TRIM3: variants seen among roughly 807,000 people sequenced by gnomAD.
TRIM3 encodes tripartite motif-containing protein 3.
Under a neutral mutation model 66.6 loss-of-function variants are expected in TRIM3, and 13 were observed. The observed-to-expected ratio is 0.20, with a 90% CI of 0.13 to 0.31. The LOEUF is 0.31. Among genes scored for constraint, TRIM3 ranks in the 10% least tolerant of loss-of-function variants. TRIM3 has a pLI of 1.00. For synonymous variants in TRIM3, 406 were observed against 411.7 expected, an observed-to-expected ratio of 0.99 and a Z score of 0.17; for missense variants, 711 against 1,020.4, an observed-to-expected ratio of 0.70 and a Z score of 4.13.
At position 6,456,719 on chromosome 11, in the gene TRIM3, A is replaced by T; in HGVS notation, c.1007T>A (p.Leu336Gln). The T allele has an allele frequency of 6.2e-7, 1 of 1,608,572 alleles. No homozygotes were observed. The highest frequency in any genetic ancestry group is 8.5e-7 in the Non-Finnish European group (1 of 1,178,434). The change falls in exon 6 of 12, where the codon CTA (leucine) becomes CAA (glutamine). Residue 336 changes from leucine (L) to glutamine (Q), a missense_variant. Around this residue, in one of 3 missense-constraint regions of TRIM3, gnomAD observed 399 missense variants for 458.1 expected, o/e 0.87. Coordinates refer to ENST00000345851, the MANE Select transcript of TRIM3 (RefSeq NM_033278.4). The surrounding 1 kb of genome is among the most constrained non-coding windows in gnomAD (Gnocchi z 6.4). ...AGTGAGCGAGGCAGGCTGGCCCACT[A>T]GCGCCTGGCGCAGGCCCTCTCCCGT... ...VATGEGLRQA[L>Q]VGQPASLTVT...
chr11:6,464,232 C>A (rs1275267484), intron 2 of TRIM3, among the ~76,000 whole-genome samples: 1 of 152,190 alleles, frequency 6.6e-6, no homozygotes, highest in East Asian at 1.9e-4. Context: ...CCAGCTTCAT[C>A]CCATAATACT....
chr11:6,463,958 G>A (rs1188408433), intron 2 of TRIM3, among the ~76,000 whole-genome samples: 2 of 152,212 alleles, frequency 1.3e-5, no homozygotes, highest in Admixed American at 6.5e-5. Context: ...TGGCAGGGAA[G>A]CAGTATCTCT....
At chr11:6,455,277 C>T (rs928812844) in intron 7 of TRIM3, among the ~76,000 whole-genome samples, 1 of 152,090 alleles carries the variant, frequency 6.6e-6, no homozygotes, top group African/African-American at 2.4e-5. Flanking sequence ...CATGAGTTAA[C>T]TGAAGCTCAA....
At chr11:6,455,665 A>T (rs1849929489) in intron 7 of TRIM3, among the ~76,000 whole-genome samples, 1 of 152,164 alleles carries the variant, frequency 6.6e-6, no homozygotes, top group Non-Finnish European at 1.5e-5. Flanking sequence ...GACAGACTAC[A>T]TACATTCAGG....
chr11:6,457,080 C>T lies in TRIM3; in HGVS notation c.697-51G>A, dbSNP rs374643027. The T allele has an allele frequency of 1.3e-6, 2 of 1,551,574 alleles. No individual in the cohort carries two copies. Among genetic ancestry groups the T allele is most frequent in the African/African-American group, 2.7e-5 (2 of 74,080 alleles). On this transcript the variant is annotated intron_variant, in intron 5 of 11. Transcript: ENST00000345851. This position sits in a 1 kb window ranked among gnomAD's most constrained non-coding sequence, Gnocchi z 4.5. ...GTGAGCAGACTGGCACAGGGGGAGT[C>T]TCTGTGATTACTGAAGTTGTAGCAC... is the stretch of plus-strand genomic sequence containing the variant.
intron 1 of TRIM3, among the ~76,000 whole-genome samples, chr11:6,472,476 C>A (rs1017526284): frequency 8.0e-5 from 12 of 149,478 alleles, no homozygotes; most frequent in South Asian, 2.2e-4. Flanking sequence ...TTTTAAGTCA[C>A]CTGTGACACT....
chr11:6,459,451 C>T (rs1007005878), intron 2 of TRIM3, among the ~76,000 whole-genome samples: 1 of 152,204 alleles, frequency 6.6e-6, no homozygotes, highest in Non-Finnish European at 1.5e-5. Context: ...AGGGCAGTGG[C>T]ATCACCAGCT....
rs925455579 is a variant in TRIM3, at chr11:6,449,555, C to T, written c.1942-109G>A. The T allele has an allele frequency of 2.1e-5, 23 of 1,071,342 alleles. No individual in the cohort carries two copies. The highest frequency in any genetic ancestry group is 3.3e-5 in the South Asian group (2 of 60,338). 66.4% of individuals were successfully genotyped at this position (1,071,342 alleles called of 1,614,324 possible). A position where few individuals can be genotyped will look rare whatever the true frequency, so the allele number is the denominator to read the frequency against. On this transcript the variant is annotated intron_variant, in intron 10 of 11. Transcript: ENST00000345851. The surrounding 1 kb of genome is among the most constrained non-coding windows in gnomAD (Gnocchi z 5.3). Reference sequence around the variant, plus strand: ...GGCTGAGAACCCCCACCCAGATCTACAGCTACAGCCCAAATCTGCTTCATA... The same window carrying T: ...GGCTGAGAACCCCCACCCAGATCTATAGCTACAGCCCAAATCTGCTTCATA...
chr11:6,458,167 C>T lies in TRIM3; in HGVS notation c.261G>A (p.Glu87=). The T allele has an allele frequency of 2.5e-6, 4 of 1,614,186 alleles. No individual in the cohort carries two copies. The highest frequency in any genetic ancestry group is 1.3e-5 in the African/African-American group (1 of 75,062). The change falls in exon 3 of 12, where the codon GAG becomes GAA. Residue 87 remains glutamate, a synonymous_variant. Coordinates refer to ENST00000345851, the MANE Select transcript of TRIM3 (RefSeq NM_033278.4). The surrounding 1 kb of genome is among the most constrained non-coding windows in gnomAD (Gnocchi z 6.2). ...QNNFFISSLM[E]AMQQAPDGAH... ...CCCCATCAGGTGCCTGCTGCATTGC[C>T]TCCATGAGGCTGCTGATGAAGAAGT...
In TRIM3 at chr11:6,456,611, G is replaced by A. The variant is rs762672434; in HGVS notation, c.1115C>T (p.Thr372Met). The A allele has an allele frequency of 3.1e-6, 5 of 1,612,696 alleles. No homozygotes were observed. The highest frequency in any genetic ancestry group is 4.2e-6 in the Non-Finnish European group (5 of 1,179,860). The change falls in exon 6 of 12, where the codon ACG becomes ATG. Residue 372 changes from threonine to methionine, a missense_variant. Physicochemically the swap from Thr to Met is moderately conservative, Grantham distance 81 (BLOSUM62 -1). Coordinates refer to ENST00000345851, the MANE Select transcript of TRIM3 (RefSeq NM_033278.4). The surrounding 1 kb of genome is among the most constrained non-coding windows in gnomAD (Gnocchi z 6.4). ...GTCCACCACTGGCACCGGAAGGCGC[G>A]TGCCGTCCGGGCCGGTGATCTCTGC... is the stretch of plus-strand genomic sequence containing the variant. Reference protein sequence around the residue: ...LRAEITGPDGTRLPVPVVDHK... With the variant: ...LRAEITGPDGMRLPVPVVDHK...
At chr11:6,463,069 G>A (rs1338056981) in intron 2 of TRIM3, among the ~76,000 whole-genome samples, 1 of 152,044 alleles carries the variant, frequency 6.6e-6, no homozygotes, top group East Asian at 1.9e-4. Flanking sequence ...ACCGGATGTG[G>A]TGGCGTGCGC....
chr11:6,455,964 T>C lies in TRIM3; in HGVS notation c.1533+108A>G, dbSNP rs545357561. 4.5e-5 allele frequency: 32 copies of C among 707,986 alleles called. No homozygotes were observed. In the Admixed American group the frequency reaches 8.8e-4, roughly 20 times the overall value. The allele number at this position is 707,986 out of a possible 1,614,324, so 43.9% of individuals were successfully genotyped here. A position where few individuals can be genotyped will look rare whatever the true frequency, so the allele number is the denominator to read the frequency against. On this transcript the variant is annotated intron_variant, in intron 7 of 11. Transcript: ENST00000345851. Reference sequence around the variant, plus strand: ...ACTGCTCTTAAGGAACGGTACTATCTGTAGGGTTCCATCTTCCAGGAGGTG... The same window carrying C: ...ACTGCTCTTAAGGAACGGTACTATCCGTAGGGTTCCATCTTCCAGGAGGTG...
chr11:6,449,461 G>A lies in TRIM3; in HGVS notation c.1942-15C>T, dbSNP rs1223906000. 6.2e-7 allele frequency: 1 copy of A among 1,609,504 alleles called. No homozygotes were observed. On this transcript the variant is annotated splice_polypyrimidine_tract_variant and intron_variant, in intron 10 of 11. Coordinates refer to ENST00000345851, the MANE Select transcript of TRIM3 (RefSeq NM_033278.4). The surrounding 1 kb of genome is among the most constrained non-coding windows in gnomAD (Gnocchi z 5.3). ...GCACTGTACACCTGGCGGGGGAAGG[G>A]GCTAGGGACTGGGGACCTGGCCTCA...
intron 1 of TRIM3, among the ~76,000 whole-genome samples, chr11:6,466,681 TCCTTTTCCTGGCC>T (rs1367875256): frequency 1.5e-4 from 22 of 151,592 alleles, no homozygotes; most frequent in Admixed American, 7.3e-4. Context: ...TGTCCTGGGA[TCCTTTTCCTGGCC>T]CCTTTTCCTG....
chr11:6,463,761 T>C (rs1014673183), intron 2 of TRIM3, among the ~76,000 whole-genome samples: 54 of 152,080 alleles, frequency 3.6e-4, no homozygotes, highest in Non-Finnish European at 1.5e-5. Context: ...ATTCAGGGCA[T>C]GGTTGGGAGG....
rs527845427 is a variant in TRIM3, at chr11:6,465,700, C to T, written c.-5G>A. On this transcript the variant is annotated 5_prime_UTR_variant, in exon 2 of 12. Coordinates refer to ENST00000345851, the MANE Select transcript of TRIM3 (RefSeq NM_033278.4). ...GCTGTCCTCCCTCTTTGCCATGGCG[C>T]CCACAGATGGCTCCCGCCACTCACA... 2 of 1,613,310 alleles carry T rather than the reference C, an allele frequency of 1.2e-6. No homozygotes were observed. Among genetic ancestry groups the T allele is most frequent in the South Asian group, 2.2e-5 (2 of 91,070 alleles).
rs946410469 is a variant in TRIM3 at position 6,458,681 on chromosome 11, TA to T, written c.132-386del. Among the ~76,000 whole-genome samples the T allele has an allele frequency of 5.3e-5, 8 of 152,178 alleles. No individual in the cohort carries two copies. Among genetic ancestry groups the T allele is most frequent in the Non-Finnish European group, 1.2e-4 (8 of 68,028 alleles). On this transcript the variant is annotated intron_variant, in intron 2 of 11. Coordinates refer to ENST00000345851, the MANE Select transcript of TRIM3 (RefSeq NM_033278.4). This position sits in a 1 kb window ranked among gnomAD's most constrained non-coding sequence, Gnocchi z 6.2. ...ATGCCAAGCCCTGGGGACAAAAAGATAAAGCACAGTGCCTACCCTTAAAATA... is the reference window on the plus strand; with the variant it reads ...ATGCCAAGCCCTGGGGACAAAAAGATAAGCACAGTGCCTACCCTTAAAATA...
chr11:6,452,141 G>A (rs1377551114), intron 7 of TRIM3: 2 of 152,380 alleles, frequency 1.3e-5, no homozygotes, highest in East Asian at 3.9e-4. Context: ...GGGTAGGTGA[G>A]AGAGGAGAAA....
intron 1 of TRIM3, among the ~76,000 whole-genome samples, chr11:6,470,057 C>T (rs1850620358): frequency 6.6e-6 from 1 of 152,080 alleles, no homozygotes; most frequent in Admixed American, 6.5e-5. Context: ...CGCTTACCTG[C>T]TAGGGGATGA....
Sources: allele counts gnomAD v4.1 joint callset (sites outside exome capture counted in the v4.1 genomes callset), GRCh38; gene constraint gnomAD v4.1.1; regional missense constraint gnomAD v4.1.1; non-coding constraint Gnocchi (gnomAD v3.1); transcripts MANE v1.5; gene names NCBI Gene and HGNC (gene_info 2026-07-23, HGNC 2026-07-21).